EPHB1: variants seen among roughly 807,000 people sequenced by gnomAD.
EPHB1 encodes the protein ephrin type-B receptor 1.
A neutral mutation model predicts 94.4 loss-of-function variants in EPHB1; 30 were observed. The ratio of observed to expected loss-of-function variants is 0.32; its 90% CI spans 0.24 to 0.43. The LOEUF (loss-of-function observed/expected upper bound fraction) is 0.43, where lower values mean the gene tolerates loss of function less well. Ranked by LOEUF, EPHB1 falls within the 20% of genes least tolerant of loss-of-function variation. EPHB1 has a pLI of 1.00. For missense variants in EPHB1, 1,055 were observed against 1,308.3 expected (o/e 0.81, Z 2.99); for synonymous variants, 522 against 489.1 (o/e 1.07, Z -0.89).
intron 12 of EPHB1, among the ~76,000 whole-genome samples, chr3:135,237,254 T>C (rs1361451880): frequency 6.6e-6 from 1 of 150,642 alleles, no homozygotes; most frequent in Non-Finnish European, 1.5e-5. Context: ...CTGCCAGATA[T>C]CTTCTCGTAG....
At chr3:135,168,347 G>A (rs111314640) in intron 9 of EPHB1, among the ~76,000 whole-genome samples, 2,971 of 152,338 alleles carry the variant, frequency 0.02, 41 homozygotes, top group Middle Eastern at 0.031. Flanking sequence ...CACAGGCACA[G>A]CTCCTGCTAT....
chr3:134,921,445 A>G (rs779284356), intron 1 of EPHB1, among the ~76,000 whole-genome samples: 9 of 152,186 alleles, frequency 5.9e-5, no homozygotes, highest in Non-Finnish European at 1.2e-4. Context: ...TCGTTTTTCC[A>G]GTCTTTTTCT....
At chr3:134,905,567 A>T (rs1268209400) in intron 1 of EPHB1, among the ~76,000 whole-genome samples, 1 of 152,208 alleles carries the variant, frequency 6.6e-6, no homozygotes, top group South Asian at 2.1e-4. Flanking sequence ...GGTGCAATGG[A>T]GTGGAAGCCT....
chr3:134,978,025 T>C (rs766989327), intron 3 of EPHB1: 13 of 455,354 alleles, frequency 2.9e-5, no homozygotes, highest in African/African-American at 2.0e-4. Flanking sequence ...GAGCCTGGTA[T>C]TTCTGCCACA....
chr3:134,868,026 C>T (rs2037417685), intron 1 of EPHB1, among the ~76,000 whole-genome samples: 1 of 152,178 alleles, frequency 6.6e-6, no homozygotes, highest in South Asian at 2.1e-4. Context: ...TCTGATTCCA[C>T]CGCAGCCATG....
intron 12 of EPHB1, among the ~76,000 whole-genome samples, chr3:135,228,725 C>A (rs1226025669): frequency 1.3e-5 from 2 of 151,618 alleles, no homozygotes; most frequent in East Asian, 3.9e-4. Flanking sequence ...GAGAGTCGGG[C>A]AGTCTGAGGG....
chr3:134,974,733 G>A (rs1214674343), intron 3 of EPHB1, among the ~76,000 whole-genome samples: 3 of 152,204 alleles, frequency 2.0e-5, no homozygotes, highest in Non-Finnish European at 4.4e-5. Context: ...CATATTGCCT[G>A]TTTCTTTCCT....
At chr3:134,881,491 A>T (rs940086109) in intron 1 of EPHB1, among the ~76,000 whole-genome samples, 3 of 152,104 alleles carry the variant, frequency 2.0e-5, no homozygotes, top group Non-Finnish European at 4.4e-5. Context: ...AAGCCGCCTC[A>T]CCTGGGGCCC....
intron 4 of EPHB1, among the ~76,000 whole-genome samples, chr3:135,120,352 G>A (rs189523998): frequency 6.6e-6 from 1 of 152,120 alleles, no homozygotes; most frequent in Non-Finnish European, 1.5e-5. Context: ...TGTGGCTATT[G>A]TGAATAAATA....
At chr3:134,961,475 A>G (rs146926603) in intron 3 of EPHB1, among the ~76,000 whole-genome samples, 292 of 152,348 alleles carry the variant, frequency 1.9e-3, no homozygotes, top group African/African-American at 6.7e-3. Flanking sequence ...CCACTCATGC[A>G]ATTTACCTTT....
chr3:134,862,106 C>T (rs1365019053), intron 1 of EPHB1, among the ~76,000 whole-genome samples: 1 of 152,068 alleles, frequency 6.6e-6, no homozygotes, highest in East Asian at 1.9e-4. Flanking sequence ...TCTCAGATCC[C>T]CAGATCTTCC....
chr3:135,106,002 T>A (rs1404923490), intron 3 of EPHB1, among the ~76,000 whole-genome samples: 4 of 152,156 alleles, frequency 2.6e-5, no homozygotes, highest in African/African-American at 9.7e-5. Flanking sequence ...GGGTCCAACA[T>A]GTCATTGAAA....
Position 134,936,569 on chromosome 3 carries a change from G to A in EPHB1, c.123+10689G>A, listed in dbSNP as rs190087750. ...GTCCTCAGTGTCAGTGGGGCTGAAC[G>A]CGCCCCCCCCTCCATTTGAGATGCT... On this transcript the variant is annotated intron_variant, in intron 2 of 15. Transcript: ENST00000398015. 1.2e-3 allele frequency among the ~76,000 whole-genome samples: 175 copies of A among 152,072 alleles called. 1 individual carries two copies. Among genetic ancestry groups the A allele is most frequent in the African/African-American group, 4.0e-3 (165 of 41,462 alleles).
rs1440377079 is a variant in EPHB1 at position 135,162,176 on chromosome 3, T to G, written c.1581T>G (p.Thr527=). The G allele has an allele frequency of 6.2e-7, 1 of 1,603,104 alleles. No homozygotes were observed. The highest frequency in any genetic ancestry group is 1.3e-5 in the African/African-American group (1 of 74,582). Residue 527 remains threonine (T), a synonymous_variant, in exon 7 of 16, where the codon ACT becomes ACG. Transcript: ENST00000398015. Reference sequence around the variant, plus strand: ...GCAAGATGTGCTTCCAGACTCTGACTGACGGTAAGGGTCGGGGAGGGCAGT... The same window carrying G: ...GCAAGATGTGCTTCCAGACTCTGACGGACGGTAAGGGTCGGGGAGGGCAGT... ...FSGKMCFQTL[T]DDDYKSELRE...
chr3:134,837,282 A>G lies in EPHB1; in HGVS notation c.58+41593A>G, dbSNP rs139032838. Among the ~76,000 whole-genome samples, 3 of 152,334 alleles carry G rather than the reference A, an allele frequency of 2.0e-5. No homozygotes were observed. The East Asian group carries it at 5.8e-4, about 29-fold the overall frequency. ...TAAAAGGTATACCCTCTATTCCATG[A>G]TTTTATCTTGAAACTTCAGCTTATC... On this transcript the variant is annotated intron_variant, in intron 1 of 15. Transcript: ENST00000398015.
chr3:135,069,139 G>A (rs1937628642), intron 3 of EPHB1, among the ~76,000 whole-genome samples: 1 of 151,268 alleles, frequency 6.6e-6, no homozygotes, highest in East Asian at 2.0e-4. Flanking sequence ...CTGATCCAAG[G>A]TCACAAATAT....
At chr3:135,107,240 A>G (rs1389067547) in intron 4 of EPHB1, among the ~76,000 whole-genome samples, 1 of 152,262 alleles carries the variant, frequency 6.6e-6, no homozygotes, top group African/African-American at 2.4e-5. Context: ...TGCATTGGCT[A>G]CATCACTCTC....
intron 3 of EPHB1, among the ~76,000 whole-genome samples, chr3:135,055,078 A>G (rs986677859): frequency 6.6e-6 from 1 of 152,236 alleles, no homozygotes; most frequent in African/African-American, 2.4e-5. Flanking sequence ...CCAGTTTACT[A>G]TCATTTTGTA....
At chr3:134,930,861 C>G (rs753915589) in intron 2 of EPHB1, among the ~76,000 whole-genome samples, 8 of 152,228 alleles carry the variant, frequency 5.3e-5, no homozygotes, top group Non-Finnish European at 1.0e-4. Context: ...GTACCAACCT[C>G]TAACATACTG....
Sources: allele counts gnomAD v4.1 joint callset (sites outside exome capture counted in the v4.1 genomes callset), GRCh38; gene constraint gnomAD v4.1.1; transcripts MANE v1.5; gene names NCBI Gene and HGNC (gene_info 2026-07-23, HGNC 2026-07-21).